KRT24: variants seen among roughly 807,000 people sequenced by gnomAD.
KRT24 encodes keratin 24, also known as keratin, type I cytoskeletal 24.
KRT24 carries 44 observed loss-of-function variants against 51.7 expected under a neutral mutation model. That is an observed-to-expected ratio of 0.85 (90% confidence interval 0.67 to 1.09). KRT24 has a LOEUF of 1.09. KRT24 is among the 50% of genes least tolerant of loss of function. The pLI is 0.00. For missense variants in KRT24, 633 were observed against 647.0 expected (o/e 0.98, Z 0.24); for synonymous variants, 241 against 249.5 (o/e 0.97, Z 0.32).
rs763265501 is a variant in KRT24 at position 40,701,250 on chromosome 17, T to C, written c.745A>G (p.Asn249Asp). Residue 249 changes from asparagine to aspartate, a missense_variant, in exon 3 of 8, where the codon AAT (asparagine) becomes GAT (aspartate). Coordinates refer to ENST00000264651, the MANE Select transcript of KRT24 (RefSeq NM_019016.3). ...CLRQSVEADI[N>D]GLRKVLDDLT... is the part of the protein sequence containing the mutation. The stretch of plus-strand genomic sequence containing the variant: ...TCATCCAGGACTTTCCGCAGGCCAT[T>C]GATGTCAGCCTCCACGCTCTGCCGG... The C allele has an allele frequency of 1.2e-6, 2 of 1,614,012 alleles. No individual in the cohort carries two copies. The highest frequency in any genetic ancestry group is 8.5e-7 in the Non-Finnish European group (1 of 1,179,984).
chr17:40,700,009 G>A lies in KRT24; in HGVS notation c.1132C>T (p.Gln378Ter), dbSNP rs763859365. 2 of 1,614,180 alleles carry A rather than the reference G, an allele frequency of 1.2e-6. No homozygotes were observed. Among genetic ancestry groups the A allele is most frequent in the Non-Finnish European group, 1.7e-6 (2 of 1,180,036 alleles). Reference sequence around the variant, plus strand: ...CTATTTGCACATACCATGGCCAGTTGGGACTGAAGCTCAATTTCCAGGGCT... The same window carrying A: ...CTATTTGCACATACCATGGCCAGTTAGGACTGAAGCTCAATTTCCAGGGCT... The part of the protein sequence containing the change: ...LQALEIELQS[Q>*]LAMKSSLEGT... Residue 378 changes from glutamine (Q) to a stop codon, truncating the protein, a stop_gained, in exon 5 of 8, where the codon CAA becomes TAA. Coordinates refer to ENST00000264651, the MANE Select transcript of KRT24 (RefSeq NM_019016.3). LOFTEE classifies it high-confidence loss of function.
In KRT24 at chr17:40,701,908, G is replaced by T; in HGVS notation, c.641C>A (p.Ala214Asp). Residue 214 changes from alanine (A) to aspartate (D), a missense_variant, in exon 2 of 8, where the codon GCT (alanine) becomes GAT (aspartate). Ala to Asp is a moderately radical substitution (Grantham distance 126). Coordinates refer to ENST00000264651, the MANE Select transcript of KRT24 (RefSeq NM_019016.3). ...NQIIAATVEN[A>D]GIILHIDNAR... ...ATTGTCAATGTGCAAAATGATCCCA[G>T]CATTTTCAACAGTGGCAGCAATGAT... The T allele has an allele frequency of 6.4e-7, 1 of 1,551,662 alleles. No individual in the cohort carries two copies. Among genetic ancestry groups the T allele is most frequent in the Non-Finnish European group, 8.8e-7 (1 of 1,141,802 alleles).
Position 40,698,577 on chromosome 17 carries a change from C to T in KRT24, c.1435G>A (p.Gly479Ser). The T allele has an allele frequency of 6.2e-7, 1 of 1,612,700 alleles. No homozygotes were observed. The highest frequency in any genetic ancestry group is 1.3e-5 in the African/African-American group (1 of 74,960). ...VNMGSRDLVS[G>S]DSRSGSCSGQ... The stretch of plus-strand genomic sequence containing the variant: ...GAACAGCTTCCAGATCTTGAGTCAC[C>T]AGATACCAGATCCCTGGATCCCATG... The change falls in exon 7 of 8, where the codon GGT becomes AGT. Residue 479 changes from glycine to serine, a missense_variant. Coordinates refer to ENST00000264651, the MANE Select transcript of KRT24 (RefSeq NM_019016.3).
rs199814540 is a variant in KRT24 at position 40,698,350 on chromosome 17, A to T, written c.1475-10T>A. ...CTAGTCTTGCTTGAATCTGAAAATCATGGGATTGCAATGTCAGTCTGGAAA... is the reference window on the plus strand; with the variant it reads ...CTAGTCTTGCTTGAATCTGAAAATCTTGGGATTGCAATGTCAGTCTGGAAA... On this transcript the variant is annotated splice_polypyrimidine_tract_variant and intron_variant, in intron 7 of 7. Transcript: ENST00000264651. 1 of 1,549,538 alleles carries T rather than the reference A, an allele frequency of 6.5e-7. No individual in the cohort carries two copies. Among genetic ancestry groups the T allele is most frequent in the South Asian group, 1.1e-5 (1 of 89,078 alleles).
At chr17:40,701,756 TATATATATATATATATATATA>T (rs1567863058) in intron 2 of KRT24, 74 bp downstream of exon 2, 420 of 41,060 alleles carry the variant, frequency 0.01, 18 homozygotes, top group African/African-American at 0.04. Flanking sequence ...TATATATATA[TATATATATATATATATATATA>T]TATTTATTTA....
intron 6 of KRT24, among the ~76,000 whole-genome samples, 187 bp from the exon 7 acceptor site, chr17:40,698,837 T>C (rs894134851): frequency 2.6e-5 from 4 of 151,588 alleles, no homozygotes; most frequent in African/African-American, 9.7e-5. Context: ...GCCTCCCCAG[T>C]ATCTGGGATT....
intron 2 of KRT24, 103 bp from the exon 3 acceptor site, chr17:40,701,399 G>A: frequency 1.1e-6 from 1 of 889,612 alleles, no homozygotes. Context: ...TCACTTGTGG[G>A]CATTTTAATA....
In KRT24 at chr17:40,699,561, C is replaced by T. The variant is rs12945784; in HGVS notation, c.1244G>A (p.Cys415Tyr). 2,545 of 1,614,112 alleles carry T rather than the reference C, an allele frequency of 1.6e-3. 40 individuals are homozygous for T. The African/African-American group carries it at 0.029, about 19-fold the overall frequency. ...TQISALEEEI[C>Y]QIWGETKCQN... is the part of the protein sequence containing the mutation. ...GCATTTAGTCTCACCCCAGATCTGGCAGATCTCCTCCTCCAGGGCACTGAT... is the reference window on the plus strand; with the variant it reads ...GCATTTAGTCTCACCCCAGATCTGGTAGATCTCCTCCTCCAGGGCACTGAT... The change falls in exon 6 of 8, where the codon TGC becomes TAC. Residue 415 changes from cysteine (C) to tyrosine (Y), a missense_variant. Cys to Tyr is a radical substitution (Grantham distance 194). Transcript: ENST00000264651.
Position 40,700,143 on chromosome 17 carries a change from A to C in KRT24, c.1018-20T>G, listed in dbSNP as rs1309315332. 6.2e-7 allele frequency: 1 copy of C among 1,614,132 alleles called. No homozygotes were observed. On this transcript the variant is annotated intron_variant, in intron 4 of 7. Transcript: ENST00000264651. ...TGCGCTCTAAATACAAACATAATGC[A>C]GCTGTTGTAGGCTGATGAAAGGAGC...
chr17:40,700,054 C>G lies in KRT24; in HGVS notation c.1087G>C (p.Glu363Gln). ...AGGGCTTGCAGGGTACGTTTTAGTT[C>G]TGTTATCTCATTCTTGGCAGAAGTG... The part of the protein sequence containing the change: ...AATSAKNEIT[E>Q]LKRTLQALEI... Residue 363 changes from glutamate to glutamine, a missense_variant, in exon 5 of 8, where the codon GAA (glutamate) becomes CAA (glutamine). Transcript: ENST00000264651. The G allele has an allele frequency of 1.2e-6, 2 of 1,614,154 alleles. No homozygotes were observed. The highest frequency in any genetic ancestry group is 1.7e-6 in the Non-Finnish European group (2 of 1,180,040).
intron 6 of KRT24, 71 bp downstream of exon 6, chr17:40,699,373 A>C (rs1320273933): frequency 8.6e-7 from 1 of 1,168,156 alleles, no homozygotes; most frequent in Admixed American, 1.7e-5. Flanking sequence ...CTAAGCCCTG[A>C]GTCCCATTTT....
In KRT24 at chr17:40,700,080, G is replaced by A. The variant is rs1344357978; in HGVS notation, c.1061C>T (p.Ala354Val). 2.4e-5 allele frequency: 39 copies of A among 1,614,062 alleles called. No homozygotes were observed. Among genetic ancestry groups the A allele is most frequent in the Non-Finnish European group, 3.1e-5 (37 of 1,180,032 alleles). ...QAQISTDAGA[A>V]TSAKNEITEL... is the part of the protein sequence containing the mutation. ...TGTTATCTCATTCTTGGCAGAAGTG[G>A]CTGCCCCAGCATCAGTGGAGATTTG... Residue 354 changes from alanine (A) to valine (V), a missense_variant, in exon 5 of 8, where the codon GCC becomes GTC. Coordinates refer to ENST00000264651, the MANE Select transcript of KRT24 (RefSeq NM_019016.3).
chr17:40,700,304 T>G lies in KRT24; in HGVS notation c.935A>C (p.Lys312Thr). ...MNAAPGTDLT[K>T]LLNDMRAQYE... ...CTGCGCCCTCATGTCATTCAGTAAT[T>G]TGGTCAGGTCGGTCCCTGGCGCAGC... The change falls in exon 4 of 8, where the codon AAA (lysine) becomes ACA (threonine). Residue 312 changes from lysine to threonine, a missense_variant. By Grantham distance (78) the Lys-to-Thr change is moderately conservative. Coordinates refer to ENST00000264651, the MANE Select transcript of KRT24 (RefSeq NM_019016.3). 1 of 1,614,114 alleles carries G rather than the reference T, an allele frequency of 6.2e-7. No homozygotes were observed.
intron 4 of KRT24, 21 bp from the exon 5 acceptor site, chr17:40,700,144 G>A: frequency 6.2e-7 from 1 of 1,614,094 alleles, no homozygotes; most frequent in Non-Finnish European, 8.5e-7. Context: ...ACATAATGCA[G>A]CTGTTGTAGG....
Position 40,701,280 on chromosome 17 carries a change from A to T in KRT24, c.715T>A (p.Cys239Ser). The T allele has an allele frequency of 6.2e-7, 1 of 1,613,408 alleles. No homozygotes were observed. Among genetic ancestry groups the T allele is most frequent in the South Asian group, 1.1e-5 (1 of 90,860 alleles). The change falls in exon 3 of 8, where the codon TGT (cysteine) becomes AGT (serine). Residue 239 changes from cysteine to serine, a missense_variant. Transcript: ENST00000264651. ...DFRLKYENEL[C>S]LRQSVEADIN... is the part of the protein sequence containing the mutation. ...TCAGCCTCCACGCTCTGCCGGAGAC[A>T]CAGCTCGTTCTCATACCTGGAAGGG...
Position 40,699,449 on chromosome 17 carries a change from C to G in KRT24, c.1356G>C (p.Glu452Asp), listed in dbSNP as rs1425412984. ...TGTTCATGACTTTGGTTTACCCTCCCTCTCCATCGAGCAGGCGGCGGTAGG... is the reference window on the plus strand; with the variant it reads ...TGTTCATGACTTTGGTTTACCCTCCGTCTCCATCGAGCAGGCGGCGGTAGG... ...IETYRRLLDGEGGGSSFAEFG... is the reference protein window; with the variant it reads ...IETYRRLLDGDGGGSSFAEFG... The change falls in exon 6 of 8, where the codon GAG becomes GAC. Residue 452 changes from glutamate (E) to aspartate (D), a missense_variant. Glu to Asp is a conservative substitution (Grantham distance 45, BLOSUM62 2). Transcript: ENST00000264651. 1.9e-6 allele frequency: 3 copies of G among 1,613,836 alleles called. No homozygotes were observed. The highest frequency in any genetic ancestry group is 2.5e-6 in the Non-Finnish European group (3 of 1,179,816).
intron 2 of KRT24, 110 bp downstream of exon 2, chr17:40,701,741 A>ATATATATATATG: frequency 3.3e-5 from 1 of 29,986 alleles, no homozygotes; most frequent in Non-Finnish European, 6.3e-5. Context: ...ATATATATAT[A>ATATATATATATG]TATATATATA....
chr17:40,699,965 T>C (rs761050874), intron 5 of KRT24, 33 bp downstream of exon 5: 3 of 1,613,312 alleles, frequency 1.9e-6, no homozygotes, highest in Non-Finnish European at 1.7e-6. Flanking sequence ...CTTAACTCCC[T>C]GTTGGAAAAT....
At chr17:40,698,423 C>T (rs543708900) in intron 7 of KRT24, 83 bp from the exon 8 acceptor site, 47 of 1,127,180 alleles carry the variant, frequency 4.2e-5, no homozygotes, top group East Asian at 3.0e-4. Context: ...ATGCATTCAA[C>T]GTGTTCTGTC....
Sources: allele counts gnomAD v4.1 joint callset (sites outside exome capture counted in the v4.1 genomes callset), GRCh38; gene constraint gnomAD v4.1.1; transcripts MANE v1.5; gene names NCBI Gene and HGNC (gene_info 2026-07-23, HGNC 2026-07-21).